BLCAP: variants seen among roughly 807,000 people sequenced by gnomAD.
BLCAP encodes BLCAP apoptosis inducing factor.
A neutral mutation model predicts 5.7 loss-of-function variants in BLCAP; 1 was observed. The observed-to-expected ratio is 0.18, with a 90% CI of 0.06 to 0.83. BLCAP has a LOEUF of 0.83. BLCAP is among the 40% of genes least tolerant of loss of function. The pLI is 0.71. For missense variants in BLCAP, 66 were observed against 107.6 expected, an observed-to-expected ratio of 0.61 and a Z score of 1.71; for synonymous variants, 48 against 49.4, an observed-to-expected ratio of 0.97 and a Z score of 0.11.
intron 1 of BLCAP, chr20:37,526,582 T>A (rs2147197075): frequency 6.6e-6 from 1 of 151,706 alleles, no homozygotes; most frequent in African/African-American, 2.4e-5. Context: ...AGGCTTGAAA[T>A]GGAATGCATG....
At chr20:37,520,315 C>T (rs1486846270) in intron 1 of BLCAP, 2 of 152,244 alleles carry the variant, frequency 1.3e-5, no homozygotes, top group African/African-American at 2.4e-5. Context: ...AAGGGACCCG[C>T]CTCACTTGGA....
chr20:37,521,285 C>A lies in BLCAP; in HGVS notation c.-176-1935G>T, dbSNP rs373447659. Reference sequence around the variant, plus strand: ...ACAGCGGACTCCGAGACCAGCGGATCTCGGCAAACCCTCTTTCTCGACCAC... The same window carrying A: ...ACAGCGGACTCCGAGACCAGCGGATATCGGCAAACCCTCTTTCTCGACCAC... On this transcript the variant is annotated intron_variant, in intron 1 of 1. Coordinates refer to ENST00000373537, the MANE Select transcript of BLCAP (RefSeq NM_006698.4). The surrounding 1 kb of genome is among the most constrained non-coding windows in gnomAD (Gnocchi z 4.5). 1.8e-5 allele frequency: 29 copies of A among 1,598,244 alleles called. No individual in the cohort carries two copies. In the African/African-American group the frequency reaches 3.2e-4, roughly 18 times the overall value.
At position 37,519,191 on chromosome 20, in the gene BLCAP, G is replaced by A. The variant is rs375942032; in HGVS notation, c.-17C>T. ...GCAATACATGATCTCTGCCGGGCAG[G>A]GCCTTCACCAAGGCTGCCGGGCACC... is the stretch of plus-strand genomic sequence containing the variant. On this transcript the variant is annotated 5_prime_UTR_variant, in exon 2 of 2. Coordinates refer to ENST00000373537, the MANE Select transcript of BLCAP (RefSeq NM_006698.4). 35 of 1,563,308 alleles carry A rather than the reference G, an allele frequency of 2.2e-5. No homozygotes were observed. Among genetic ancestry groups the A allele is most frequent in the Non-Finnish European group, 2.7e-5 (31 of 1,153,384 alleles).
chr20:37,527,601 G>A (rs2071747112), intron 1 of BLCAP, 192 bp downstream of exon 1: 1 of 152,394 alleles, frequency 6.6e-6, no homozygotes, highest in Non-Finnish European at 1.5e-5. Flanking sequence ...ACCCCCCAAG[G>A]CCCAGGCTAG....
chr20:37,520,885 C>T (rs947681749), intron 1 of BLCAP, among the ~76,000 whole-genome samples: 6 of 152,126 alleles, frequency 3.9e-5, no homozygotes, highest in African/African-American at 1.4e-4. Flanking sequence ...TCCATCCATC[C>T]CCAAGGTAGG....
At chr20:37,524,113 C>T (rs145542462) in intron 1 of BLCAP, among the ~76,000 whole-genome samples, 1 of 152,286 alleles carries the variant, frequency 6.6e-6, no homozygotes, top group African/African-American at 2.4e-5. Context: ...AGGTCTCCAT[C>T]CAGGAGCCCC....
At chr20:37,525,248 T>G (rs1350336895) in intron 1 of BLCAP, among the ~76,000 whole-genome samples, 1 of 152,186 alleles carries the variant, frequency 6.6e-6, no homozygotes, top group African/African-American at 2.4e-5. Flanking sequence ...TTCGGAGCTT[T>G]TGAGGGGTAT....
chr20:37,525,986 C>T (rs914314921), intron 1 of BLCAP, among the ~76,000 whole-genome samples: 4 of 152,272 alleles, frequency 2.6e-5, no homozygotes, highest in African/African-American at 9.6e-5. Flanking sequence ...CTTAGCCTAA[C>T]GAACTGAAGT....
rs369692558 is a variant in BLCAP at position 37,522,626 on chromosome 20, G to T, written c.-176-3276C>A. On this transcript the variant is annotated intron_variant, in intron 1 of 1. Transcript: ENST00000373537. ...CGGCAGCACCACAGACATGCTGTGG[G>T]TGCTCTCCACTAAGGGTGGGTCCTG... 50 of 1,562,774 alleles carry T rather than the reference G, an allele frequency of 3.2e-5. No homozygotes were observed. In the African/African-American group the frequency reaches 6.4e-4, roughly 20 times the overall value.
In BLCAP at chr20:37,518,001, C is replaced by T. The variant is rs1229298784; in HGVS notation, c.*910G>A. ...TGTACACACACACACACAGGGCACA[C>T]CAAAAAATATCCAAACATCTATCAA... On this transcript the variant is annotated 3_prime_UTR_variant, in exon 2 of 2. Transcript: ENST00000373537. The T allele has an allele frequency of 1.3e-5, 2 of 152,636 alleles. No homozygotes were observed. Among genetic ancestry groups the T allele is most frequent in the Non-Finnish European group, 2.9e-5 (2 of 68,112 alleles). The allele number at this position is 152,636 out of a possible 1,614,324, so 9.5% of individuals were successfully genotyped here.
In BLCAP at chr20:37,518,643, G is replaced by C. The variant is rs1381462463; in HGVS notation, c.*268C>G. On this transcript the variant is annotated 3_prime_UTR_variant, in exon 2 of 2. Transcript: ENST00000373537. ...CAGACTCCTCACAGTAATGAGGCGAGAGGGGTGGTCATGCGGCCAGCCAGG... is the reference window on the plus strand; with the variant it reads ...CAGACTCCTCACAGTAATGAGGCGACAGGGGTGGTCATGCGGCCAGCCAGG... 1 of 488,620 alleles carries C rather than the reference G, an allele frequency of 2.0e-6. No homozygotes were observed. Among genetic ancestry groups the C allele is most frequent in the Non-Finnish European group, 3.7e-6 (1 of 270,546 alleles). 30.3% of individuals were successfully genotyped at this position (488,620 alleles called of 1,614,324 possible). A position where few individuals can be genotyped will look rare whatever the true frequency, so the allele number is the denominator to read the frequency against.
chr20:37,522,192 T>A (rs2344098), intron 1 of BLCAP, among the ~76,000 whole-genome samples: 30,225 of 60,332 alleles, frequency 0.5, 3,538 homozygotes, highest in Middle Eastern at 0.62. Flanking sequence ...AAAAAAAAAA[T>A]AATAATAAAA....
Position 37,521,973 on chromosome 20 carries a change from G to A in BLCAP, c.-176-2623C>T, listed in dbSNP as rs527560188. ...ACAGGAAAACAGAAAAACGCGCATTGCAGGAAAAATAAATCGGAGAAAAGC... is the reference window on the plus strand; with the variant it reads ...ACAGGAAAACAGAAAAACGCGCATTACAGGAAAAATAAATCGGAGAAAAGC... On this transcript the variant is annotated intron_variant, in intron 1 of 1. Coordinates refer to ENST00000373537, the MANE Select transcript of BLCAP (RefSeq NM_006698.4). This position sits in a 1 kb window ranked among gnomAD's most constrained non-coding sequence, Gnocchi z 4.5. Among the ~76,000 whole-genome samples, 141 of 149,230 alleles carry A rather than the reference G, an allele frequency of 9.4e-4. No individual in the cohort carries two copies. Among genetic ancestry groups the A allele is most frequent in the African/African-American group, 3.3e-3 (135 of 40,860 alleles).
intron 1 of BLCAP, among the ~76,000 whole-genome samples, chr20:37,524,002 T>C (rs2071677158): frequency 6.6e-6 from 1 of 152,096 alleles, no homozygotes; most frequent in Non-Finnish European, 1.5e-5. Context: ...AAAGCAAGTA[T>C]CACTTTGGGA....
chr20:37,527,497 G>C, intron 1 of BLCAP: 1 of 152,258 alleles, frequency 6.6e-6, no homozygotes, highest in East Asian at 1.9e-4. Flanking sequence ...CGTGCCCCCG[G>C]CTCTGCCTGT....
chr20:37,524,997 G>A (rs1386827986), intron 1 of BLCAP, among the ~76,000 whole-genome samples: 1 of 152,198 alleles, frequency 6.6e-6, no homozygotes, highest in Non-Finnish European at 1.5e-5. Context: ...TGAAGAGGAT[G>A]TGCAATCTGA....
chr20:37,522,911 C>T, intron 1 of BLCAP: 1 of 618,664 alleles, frequency 1.6e-6, no homozygotes, highest in Non-Finnish European at 2.8e-6. Flanking sequence ...CCAGTAGACC[C>T]CCGGAGAAGC....
At position 37,517,880 on chromosome 20, in the gene BLCAP, T is replaced by C. The variant is rs1050234503; in HGVS notation, c.*1031A>G. 1.3e-5 allele frequency: 2 copies of C among 152,766 alleles called. No individual in the cohort carries two copies. The highest frequency in any genetic ancestry group is 3.9e-4 in the East Asian group (2 of 5,184). 9.5% of individuals were successfully genotyped at this position (152,766 alleles called of 1,614,324 possible). On this transcript the variant is annotated 3_prime_UTR_variant, in exon 2 of 2. Transcript: ENST00000373537. ...TGCAATCCCCATGCTAAATAAAAAC[T>C]GTAGCGGCACCTACCATATATAGCT...
In BLCAP at chr20:37,521,119, G is replaced by A; in HGVS notation, c.-176-1769C>T. 1.6e-6 allele frequency: 1 copy of A among 613,744 alleles called. No individual in the cohort carries two copies. The highest frequency in any genetic ancestry group is 2.9e-6 in the Non-Finnish European group (1 of 342,280). 38.0% of individuals were successfully genotyped at this position (613,744 alleles called of 1,614,324 possible). On this transcript the variant is annotated intron_variant, in intron 1 of 1. Transcript: ENST00000373537. This position sits in a 1 kb window ranked among gnomAD's most constrained non-coding sequence, Gnocchi z 4.5. The stretch of plus-strand genomic sequence containing the variant: ...GGGGGTCGGTATGGAAAGAGCAGAT[G>A]GATTATTTTTTTCCTCTCCTGGCGA...
Sources: gnomAD v4.1 joint callset for allele counts (sites outside exome capture counted in the v4.1 genomes callset) on GRCh38, gnomAD v4.1.1 for gene constraint, Gnocchi (gnomAD v3.1) non-coding constraint, MANE v1.5 for transcripts, NCBI Gene and HGNC (gene_info 2026-07-23, HGNC 2026-07-21) for gene names.